DLAT: variants seen among roughly 807,000 people sequenced by gnomAD.
The protein encoded by DLAT is dihydrolipoamide S-acetyltransferase.
DLAT carries 43 observed loss-of-function variants against 68.0 expected under a neutral mutation model. That is an observed-to-expected ratio of 0.63 (90% confidence interval 0.50 to 0.81). The LOEUF (loss-of-function observed/expected upper bound fraction) is 0.81, where lower values mean the gene tolerates loss of function less well. Among genes scored for constraint, DLAT ranks in the 40% least tolerant of loss-of-function variants. The probability of loss-of-function intolerance (pLI) is 0.00; values close to 1 mark genes in which losing one functional copy is unlikely to be tolerated. For synonymous variants in DLAT, 265 were observed against 288.6 expected (o/e 0.92, Z 0.83); for missense variants, 745 against 815.4 (o/e 0.91, Z 1.05).
intron 10 of DLAT, among the ~76,000 whole-genome samples, chr11:112,048,812 C>T (rs1863462808): frequency 6.6e-6 from 1 of 152,002 alleles, no homozygotes; most frequent in African/African-American, 2.4e-5. Context: ...GGAATTACAG[C>T]CATGAGCCCC....
intron 7 of DLAT, among the ~76,000 whole-genome samples, chr11:112,039,680 T>G (rs1862955116): frequency 6.6e-6 from 1 of 152,162 alleles, no homozygotes; most frequent in Non-Finnish European, 1.5e-5. Context: ...GGTGAAAGTA[T>G]ATGTAAAATT....
chr11:112,034,432 T>C (rs1172961726), intron 5 of DLAT, among the ~76,000 whole-genome samples: 1 of 151,550 alleles, frequency 6.6e-6, no homozygotes, highest in Non-Finnish European at 1.5e-5. Flanking sequence ...GACAATAATA[T>C]ATTTATTATT....
Position 112,064,345 on chromosome 11 carries a change from T to A in DLAT, c.*1810T>A, listed in dbSNP as rs77571254. 6.5e-4 allele frequency: 505 copies of A among 782,604 alleles called. 4 individuals carry two copies. In the African/African-American group the frequency reaches 8.2e-3, roughly 13 times the overall value. The allele number at this position is 782,604 out of a possible 1,614,324, so 48.5% of individuals were successfully genotyped here. On this transcript the variant is annotated 3_prime_UTR_variant, in exon 14 of 14. Transcript: ENST00000280346. ...TGAAAGAAAAAAGTTAGAAATAGTG[T>A]TTTTGGTTCATATGATTATTTAAAA...
intron 13 of DLAT, 62 bp downstream of exon 13, chr11:112,061,236 G>A (rs1864600531): frequency 3.8e-6 from 6 of 1,593,496 alleles, no homozygotes; most frequent in Non-Finnish European, 5.2e-6. Context: ...CACTTGTCCT[G>A]TGGTATCCTC....
intron 13 of DLAT, 139 bp downstream of exon 13, chr11:112,061,313 T>C (rs1555183264): frequency 8.3e-6 from 7 of 848,446 alleles, no homozygotes; most frequent in Non-Finnish European, 1.4e-5. Context: ...TGATATGATA[T>C]GATGTAATAT....
chr11:112,049,125 G>A (rs587644442), intron 10 of DLAT, among the ~76,000 whole-genome samples: 3 of 151,676 alleles, frequency 2.0e-5, no homozygotes, highest in East Asian at 3.9e-4. Flanking sequence ...GACTACAGAC[G>A]CCCACCACCA....
At chr11:112,050,992 C>CTCTTTGGTGAGAGTAAAAA (rs1863592180) in intron 10 of DLAT, among the ~76,000 whole-genome samples, 1 of 152,118 alleles carries the variant, frequency 6.6e-6, no homozygotes, top group African/African-American at 2.4e-5. Flanking sequence ...CACGATTATA[C>CTCTTTGGTGAGAGTAAAAA]AGTTTTACTC....
In DLAT at chr11:112,062,753, G is replaced by A; in HGVS notation, c.*218G>A. 5.7e-6 allele frequency: 3 copies of A among 529,830 alleles called. No individual in the cohort carries two copies. 32.8% of individuals were successfully genotyped at this position (529,830 alleles called of 1,614,324 possible). ...TTAATAATCAGACACCAGATTTTTA[G>A]CTCTGTACTCCTAATTAAGGGACAT... On this transcript the variant is annotated 3_prime_UTR_variant, in exon 14 of 14. Coordinates refer to ENST00000280346, the MANE Select transcript of DLAT (RefSeq NM_001931.5).
At chr11:112,035,787 A>C (rs1221837535) in intron 5 of DLAT, among the ~76,000 whole-genome samples, 2 of 120,994 alleles carry the variant, frequency 1.7e-5, no homozygotes, top group African/African-American at 6.7e-5. Context: ...CACCGCACCC[A>C]GCCTTTTTTT....
At position 112,045,745 on chromosome 11, in the gene DLAT, T is replaced by A. The variant is rs1166943057; in HGVS notation, c.1291-118T>A. The A allele has an allele frequency of 5.8e-6, 4 of 684,800 alleles. No homozygotes were observed. The East Asian group carries it at 1.1e-4, about 19-fold the overall frequency. The allele number at this position is 684,800 out of a possible 1,614,324, so 42.4% of individuals were successfully genotyped here. A position where few individuals can be genotyped will look rare whatever the true frequency, so the allele number is the denominator to read the frequency against. On this transcript the variant is annotated intron_variant, in intron 9 of 13. Transcript: ENST00000280346. ...TATGGCGGAGTCCTCCATCTTTCAA[T>A]TATAATAATGCTTGAGGTAAGTATT... is the stretch of plus-strand genomic sequence containing the variant.
At chr11:112,039,870 C>T (rs954873509) in intron 7 of DLAT, among the ~76,000 whole-genome samples, 2 of 152,100 alleles carry the variant, frequency 1.3e-5, no homozygotes, top group African/African-American at 4.8e-5. Flanking sequence ...GTCTGTCTGC[C>T]GCCAAAGAAA....
intron 5 of DLAT, among the ~76,000 whole-genome samples, chr11:112,036,277 G>A (rs1862770890): frequency 1.6e-5 from 2 of 127,654 alleles, no homozygotes; most frequent in East Asian, 2.6e-4. Flanking sequence ...GCAATGGCAC[G>A]ATCTCGGCTC....
rs1555181974 is a variant in DLAT at position 112,051,301 on chromosome 11, TA to T, written c.1470del (p.Val491PhefsTer13). 6.2e-7 allele frequency: 1 copy of T among 1,613,792 alleles called. No individual in the cohort carries two copies. The highest frequency in any genetic ancestry group is 8.5e-7 in the Non-Finnish European group (1 of 1,179,996). ...FIIKASALAC[L>X]KVPEANSSWM... ...ATAAAAGCTTCAGCTTTGGCATGTT[TA>T]AAAGTTCCCGAAGCAAATTCTTCTT... On this transcript the variant is annotated frameshift_variant, in exon 11 of 14. Coordinates refer to ENST00000280346, the MANE Select transcript of DLAT (RefSeq NM_001931.5). LOFTEE classifies it high-confidence loss of function. The surrounding 1 kb of genome is among the most constrained non-coding windows in gnomAD (Gnocchi z 4.3).
chr11:112,055,692 T>C (rs2137860093), intron 11 of DLAT, among the ~76,000 whole-genome samples: 1 of 152,032 alleles, frequency 6.6e-6, no homozygotes, highest in East Asian at 1.9e-4. Context: ...GCATTCCTTT[T>C]CCGTGCTATG....
rs367824868 is a variant in DLAT at position 112,028,765 on chromosome 11, T to C, written c.507-27T>C. 203 of 1,614,098 alleles carry C rather than the reference T, an allele frequency of 1.3e-4. 1 individual carries two copies. The highest frequency in any genetic ancestry group is 1.6e-4 in the Non-Finnish European group (188 of 1,180,034). On this transcript the variant is annotated intron_variant, in intron 3 of 13. Transcript: ENST00000280346. ...TTGTGAAAGCTGAATCTGCCCATTA[T>C]ATTTATGCATTCTTTCTCTTCCTTA...
chr11:112,028,901 CCTT>C lies in DLAT; in HGVS notation c.619_621del (p.Ser207del), dbSNP rs781950569. 4.3e-6 allele frequency: 7 copies of C among 1,614,176 alleles called. No homozygotes were observed. In the Admixed American group the frequency reaches 5.0e-5, roughly 12 times the overall value. On this transcript the variant is annotated inframe_deletion, in exon 4 of 14. Transcript: ENST00000280346. ...TGCTGCCACTGCTTCGCCACCTACA[CCTT>C]CTGCTCAGGCTCCTGGTAGCTCATA...
chr11:112,057,075 G>C (rs909182313), intron 11 of DLAT, among the ~76,000 whole-genome samples: 6 of 152,128 alleles, frequency 3.9e-5, no homozygotes, highest in African/African-American at 1.4e-4. Flanking sequence ...TGTGATCAAG[G>C]ATCTTTGATG....
In DLAT at chr11:112,025,513, C is replaced by T; in HGVS notation, c.41C>T (p.Pro14Leu). 1 of 1,613,706 alleles carries T rather than the reference C, an allele frequency of 6.2e-7. No homozygotes were observed. The highest frequency in any genetic ancestry group is 1.1e-5 in the South Asian group (1 of 91,056). ...GCGCGACGGGCTCAGAATGTAGCCC[C>T]ATGGGCGGGACTCGAGGCTCGGTGG... ...VCARRAQNVA[P>L]WAGLEARWTA... The change falls in exon 1 of 14, where the codon CCA becomes CTA. Residue 14 changes from proline (P) to leucine (L), a missense_variant. Physicochemically the swap from Pro to Leu is moderately conservative, Grantham distance 98. Coordinates refer to ENST00000280346, the MANE Select transcript of DLAT (RefSeq NM_001931.5).
At chr11:112,033,339 T>C (rs1862517062) in intron 4 of DLAT, 65 bp from the exon 5 acceptor site, 2 of 1,585,120 alleles carry the variant, frequency 1.3e-6, no homozygotes, top group South Asian at 1.1e-5. Context: ...CACATAAGTC[T>C]GCCAGACTTT....
Sources: gnomAD v4.1 joint callset for allele counts (sites outside exome capture counted in the v4.1 genomes callset) on GRCh38, gnomAD v4.1.1 for gene constraint, Gnocchi (gnomAD v3.1) non-coding constraint, MANE v1.5 for transcripts, NCBI Gene and HGNC (gene_info 2026-07-23, HGNC 2026-07-21) for gene names.